PDE4D: variants seen among roughly 807,000 people sequenced by gnomAD.
PDE4D encodes the protein phosphodiesterase 4D.
PDE4D carries 24 observed loss-of-function variants against 87.4 expected under a neutral mutation model. The ratio of observed to expected loss-of-function variants is 0.27; its 90% CI spans 0.20 to 0.39. The LOEUF (loss-of-function observed/expected upper bound fraction) is 0.39, where lower values mean the gene tolerates loss of function less well. Ranked by LOEUF, PDE4D falls within the 10% of genes least tolerant of loss-of-function variation. The pLI is 1.00. For synonymous variants in PDE4D, 384 were observed against 383.2 expected, an observed-to-expected ratio of 1.00 and a Z score of -0.02; for missense variants, 714 against 1,041.0, an observed-to-expected ratio of 0.69 and a Z score of 4.32.
At chr5:59,003,363 G>A (rs1750928093) in intron 6 of PDE4D, among the ~76,000 whole-genome samples, 1 of 152,122 alleles carries the variant, frequency 6.6e-6, no homozygotes, top group Non-Finnish European at 1.5e-5. Flanking sequence ...TCACCATACA[G>A]CTGACAATCC....
At chr5:59,693,768 G>T (rs919649419) in intron 1 of PDE4D, among the ~76,000 whole-genome samples, 9 of 152,292 alleles carry the variant, frequency 5.9e-5, no homozygotes, top group Admixed American at 5.2e-4. Flanking sequence ...TCCTTGTGAT[G>T]ATAATAAGGT....
At chr5:59,279,087 G>A (rs1324829548) in intron 1 of PDE4D, among the ~76,000 whole-genome samples, 5 of 151,986 alleles carry the variant, frequency 3.3e-5, no homozygotes, top group African/African-American at 4.8e-5. Flanking sequence ...CAAATCTTCT[G>A]TTCTCTAAAT....
chr5:60,341,573 G>A (rs951449096), intron 1 of PDE4D, among the ~76,000 whole-genome samples: 5 of 152,162 alleles, frequency 3.3e-5, no homozygotes, highest in African/African-American at 1.2e-4. Flanking sequence ...TTGTAGACAA[G>A]CCAAATGCCA....
chr5:58,994,423 A>G (rs1007783103), intron 6 of PDE4D, among the ~76,000 whole-genome samples: 1 of 152,082 alleles, frequency 6.6e-6, no homozygotes, highest in African/African-American at 2.4e-5. Flanking sequence ...GCCTTTTAAT[A>G]AGCCTTTAAT....
At position 59,688,780 on chromosome 5, in the gene PDE4D, G is replaced by A. The variant is rs573435084; in HGVS notation, c.455+204388C>T. ...CCCTTCAAAAAATCAATGAATCCAGGAGCTGGTATTTTGAAAAGATCAACA... is the reference window on the plus strand; with the variant it reads ...CCCTTCAAAAAATCAATGAATCCAGAAGCTGGTATTTTGAAAAGATCAACA... On this transcript the variant is annotated intron_variant, in intron 1 of 14. Coordinates refer to ENST00000340635, the MANE Select transcript of PDE4D (RefSeq NM_001104631.2). 9.2e-5 allele frequency among the ~76,000 whole-genome samples: 14 copies of A among 152,248 alleles called. No homozygotes were observed. In the South Asian group the frequency reaches 2.9e-3, roughly 32 times the overall value.
chr5:59,901,923 AACACACACACACACACACACACACAC>A (rs59453461), intron 3 of PDE4D, among the ~76,000 whole-genome samples: 155 of 134,338 alleles, frequency 1.2e-3, no homozygotes, highest in Middle Eastern at 3.8e-3. Context: ...CTTACATGCA[AACACACACACACACACACACACACAC>A]ACACACACAC....
chr5:60,164,968 C>T (rs1288092547), intron 2 of PDE4D, among the ~76,000 whole-genome samples: 3 of 152,252 alleles, frequency 2.0e-5, no homozygotes, highest in South Asian at 4.1e-4. Flanking sequence ...AGTCACCATG[C>T]TCAGAAATAA....
At chr5:59,038,789 G>T in intron 6 of PDE4D, 70 bp downstream of exon 6, 1 of 1,341,552 alleles carries the variant, frequency 7.5e-7, no homozygotes, top group East Asian at 2.9e-5. Flanking sequence ...CGGGGCTATG[G>T]GTACCAGTGG....
chr5:59,550,887 G>A (rs572519929), intron 1 of PDE4D, among the ~76,000 whole-genome samples: 3 of 151,870 alleles, frequency 2.0e-5, no homozygotes, highest in South Asian at 2.1e-4. Flanking sequence ...TAGTAGAGAC[G>A]GGGTTTCACC....
At chr5:59,159,672 G>T (rs1018180499) in intron 5 of PDE4D, among the ~76,000 whole-genome samples, 1 of 152,190 alleles carries the variant, frequency 6.6e-6, no homozygotes, top group Non-Finnish European at 1.5e-5. Context: ...ACACTTGTAG[G>T]ATCTTGTTCA....
intron 1 of PDE4D, among the ~76,000 whole-genome samples, chr5:60,400,654 G>T (rs1423740622): frequency 2.0e-5 from 3 of 151,882 alleles, no homozygotes; most frequent in Admixed American, 6.6e-5. Flanking sequence ...CTGAGGGGCT[G>T]GGTGCGATGG....
chr5:59,934,895 A>G (rs1187961553), intron 3 of PDE4D, among the ~76,000 whole-genome samples: 1 of 152,194 alleles, frequency 6.6e-6, no homozygotes, highest in Non-Finnish European at 1.5e-5. Context: ...AATGGAAGAT[A>G]TAGGTACAAA....
chr5:59,254,611 T>G (rs1760600450), intron 1 of PDE4D, among the ~76,000 whole-genome samples: 1 of 152,044 alleles, frequency 6.6e-6, no homozygotes, highest in African/African-American at 2.4e-5. Flanking sequence ...ATACATTTCT[T>G]CTTCTTCTTC....
At position 60,164,874 on chromosome 5, in the gene PDE4D, T is replaced by C. The variant is rs1365907084; in HGVS notation, c.42+20683A>G. ...TAGCTAATTAACATATGCATCAACT[T>C]ACATAGTTATCGCTTTGTGGGAGAG... On this transcript the variant is annotated intron_variant, in intron 2 of 16. Transcript: ENST00000502484. Among the ~76,000 whole-genome samples the C allele has an allele frequency of 5.9e-5, 9 of 152,196 alleles. No homozygotes were observed. In the East Asian group the frequency reaches 1.7e-3, roughly 29 times the overall value.
chr5:60,178,938 A>C (rs1420350812), intron 2 of PDE4D, among the ~76,000 whole-genome samples: 1 of 152,126 alleles, frequency 6.6e-6, no homozygotes, highest in African/African-American at 2.4e-5. Flanking sequence ...TAGTTTGGTC[A>C]AATAGTTGGT....
At chr5:59,595,509 A>G (rs1343828759) in intron 1 of PDE4D, among the ~76,000 whole-genome samples, 1 of 152,152 alleles carries the variant, frequency 6.6e-6, no homozygotes, top group Admixed American at 6.6e-5. Flanking sequence ...TGTTGTAAGA[A>G]TATTTCACCG....
chr5:59,298,669 A>G (rs1275628195), intron 1 of PDE4D, among the ~76,000 whole-genome samples: 1 of 152,218 alleles, frequency 6.6e-6, no homozygotes, highest in Non-Finnish European at 1.5e-5. Context: ...TGAAAGTGAC[A>G]TTTAAGAAAC....
At chr5:59,215,081 T>C (rs755718630) in intron 2 of PDE4D, among the ~76,000 whole-genome samples, 1 of 152,194 alleles carries the variant, frequency 6.6e-6, no homozygotes, top group Non-Finnish European at 1.5e-5. Context: ...TAAAGACCTA[T>C]GTAGAAAAAC....
At chr5:59,043,337 C>A (rs1453091438) in intron 5 of PDE4D, among the ~76,000 whole-genome samples, 2 of 152,158 alleles carry the variant, frequency 1.3e-5, no homozygotes, top group African/African-American at 4.8e-5. Context: ...TCCTGGCTAA[C>A]ACAGTGAAAC....
Sources: allele counts gnomAD v4.1 joint callset (sites outside exome capture counted in the v4.1 genomes callset), GRCh38; gene constraint gnomAD v4.1.1; transcripts MANE v1.5; gene names NCBI Gene and HGNC (gene_info 2026-07-23, HGNC 2026-07-21).